The following NOS1AP variants were observed in gnomAD, a reference collection of about 807,000 sequenced individuals.
NOS1AP encodes the protein carboxyl-terminal PDZ ligand of neuronal nitric oxide synthase protein.
Under a neutral mutation model 56.2 loss-of-function variants are expected in NOS1AP, and 21 were observed. The observed-to-expected ratio is 0.37, with a 90% CI of 0.26 to 0.54. The LOEUF (loss-of-function observed/expected upper bound fraction) is 0.54. Among genes scored for constraint, NOS1AP ranks in the 20% least tolerant of loss-of-function variants. The pLI is 0.84. For missense variants in NOS1AP, 522 were observed against 657.8 expected (o/e 0.79, Z 2.26); for synonymous variants, 270 against 274.6 (o/e 0.98, Z 0.17).
intron 2 of NOS1AP, among the ~76,000 whole-genome samples, chr1:162,209,975 A>C (rs1386126993): frequency 6.6e-6 from 1 of 152,226 alleles, no homozygotes; most frequent in African/African-American, 2.4e-5. Context: ...GAGATATCAG[A>C]CGAGTGACCA....
chr1:162,137,112 G>A (rs1437177812), intron 1 of NOS1AP, among the ~76,000 whole-genome samples: 5 of 152,160 alleles, frequency 3.3e-5, no homozygotes, highest in East Asian at 3.8e-4. Flanking sequence ...GTTGATCTTC[G>A]TTTGCTTCTT....
chr1:162,112,140 T>C (rs1647734995), intron 1 of NOS1AP, among the ~76,000 whole-genome samples: 1 of 152,246 alleles, frequency 6.6e-6, no homozygotes, highest in African/African-American at 2.4e-5. Context: ...AGCTAACTGG[T>C]ACCATCTGTC....
At chr1:162,123,969 A>C (rs1648364612) in intron 1 of NOS1AP, among the ~76,000 whole-genome samples, 1 of 152,154 alleles carries the variant, frequency 6.6e-6, no homozygotes, top group East Asian at 1.9e-4. Context: ...TTCTCTACAG[A>C]CTTTATTTAA....
chr1:162,206,866 G>A (rs973699325), intron 2 of NOS1AP, among the ~76,000 whole-genome samples: 1 of 152,156 alleles, frequency 6.6e-6, no homozygotes, highest in African/African-American at 2.4e-5. Flanking sequence ...TCAAAACGTG[G>A]TTGCTTGGAT....
intron 2 of NOS1AP, among the ~76,000 whole-genome samples, chr1:162,158,851 G>A (rs1417321527): frequency 6.6e-6 from 1 of 152,230 alleles, no homozygotes; most frequent in African/African-American, 2.4e-5. Context: ...GGATCCAAAG[G>A]TCTGAGAAGT....
At chr1:162,260,809 GA>G (rs1654183647) in intron 2 of NOS1AP, among the ~76,000 whole-genome samples, 1 of 151,892 alleles carries the variant, frequency 6.6e-6, no homozygotes, top group African/African-American at 2.4e-5. Flanking sequence ...AAGTAATTTG[GA>G]ACTGAGTATA....
At chr1:162,169,882 A>G (rs984799226) in intron 2 of NOS1AP, among the ~76,000 whole-genome samples, 1 of 152,026 alleles carries the variant, frequency 6.6e-6, no homozygotes, top group South Asian at 2.1e-4. Flanking sequence ...ATTTCTTACA[A>G]TCTTCCCATT....
chr1:162,081,252 G>T (rs1691879366), intron 1 of NOS1AP, among the ~76,000 whole-genome samples: 1 of 152,142 alleles, frequency 6.6e-6, no homozygotes. Flanking sequence ...TCTGTTAAAG[G>T]TGACCTTAGT....
At position 162,207,502 on chromosome 1, in the gene NOS1AP, G is replaced by T. The variant is rs1450929665; in HGVS notation, c.177+53026G>T. 1.3e-5 allele frequency among the ~76,000 whole-genome samples: 2 copies of T among 152,212 alleles called. 1 individual carries two copies. The highest frequency in any genetic ancestry group is 3.8e-4 in the East Asian group (2 of 5,202). Reference sequence around the variant, plus strand: ...ATTGGTTTATTTATTCATTCAGCCAGTCAGTTTCCTCATTTTAGAAGTGGT... The same window carrying T: ...ATTGGTTTATTTATTCATTCAGCCATTCAGTTTCCTCATTTTAGAAGTGGT... On this transcript the variant is annotated intron_variant, in intron 2 of 9. Transcript: ENST00000361897.
chr1:162,105,330 G>A (rs533541786), intron 1 of NOS1AP, among the ~76,000 whole-genome samples: 15 of 152,348 alleles, frequency 9.8e-5, no homozygotes, highest in African/African-American at 3.4e-4. Context: ...GCACACACCT[G>A]TAGGAGGTGG....
At chr1:162,202,579 G>A (rs116365168) in intron 2 of NOS1AP, among the ~76,000 whole-genome samples, 5,323 of 152,120 alleles carry the variant, frequency 0.035, 112 homozygotes, top group Middle Eastern at 0.075. Context: ...GGGCCATTAA[G>A]TTTATGTCAT....
At chr1:162,220,132 A>G (rs866796635) in intron 2 of NOS1AP, among the ~76,000 whole-genome samples, 2 of 152,122 alleles carry the variant, frequency 1.3e-5, no homozygotes, top group African/African-American at 2.4e-5. Context: ...GAGTCCAACT[A>G]TGTTACCCAG....
intron 2 of NOS1AP, among the ~76,000 whole-genome samples, chr1:162,226,989 A>G (rs527959734): frequency 1.3e-5 from 2 of 152,192 alleles, no homozygotes; most frequent in South Asian, 4.1e-4. Context: ...AGGCCATCAT[A>G]CTACCTGAAA....
chr1:162,094,194 T>G (rs375130626), intron 1 of NOS1AP, among the ~76,000 whole-genome samples: 86 of 152,304 alleles, frequency 5.6e-4, no homozygotes, highest in African/African-American at 2.0e-3. Flanking sequence ...GAGGGGGCTT[T>G]TACACACTCT....
At chr1:162,144,741 T>G (rs1289782183) in intron 1 of NOS1AP, among the ~76,000 whole-genome samples, 1 of 152,216 alleles carries the variant, frequency 6.6e-6, no homozygotes. Flanking sequence ...GAAGCTTTTA[T>G]TCAGGAGCTG....
chr1:162,127,777 A>G (rs1270931896), intron 1 of NOS1AP, among the ~76,000 whole-genome samples: 2 of 152,140 alleles, frequency 1.3e-5, no homozygotes, highest in East Asian at 3.9e-4. Context: ...AATGGTGCAA[A>G]CCATTCATGA....
chr1:162,151,018 A>C (rs1309439414), intron 1 of NOS1AP, among the ~76,000 whole-genome samples: 1 of 152,054 alleles, frequency 6.6e-6, no homozygotes, highest in Non-Finnish European at 1.5e-5. Flanking sequence ...ATGGGGTATT[A>C]CTCAAGAAAT....
intron 2 of NOS1AP, among the ~76,000 whole-genome samples, chr1:162,226,978 C>T (rs1652966904): frequency 6.6e-6 from 1 of 151,926 alleles, no homozygotes; most frequent in South Asian, 2.1e-4. Flanking sequence ...GAAGAATATA[C>T]AGGCCATCAT....
chr1:162,254,019 GT>G lies in NOS1AP; in HGVS notation c.178-33320del, dbSNP rs1440498400. On this transcript the variant is annotated intron_variant, in intron 2 of 9. Transcript: ENST00000361897. ...GATTCCTGCATTCTGGAGTGGTATG[GT>G]TTTTGATGACTTGGCTTTTCCATCT... Among the ~76,000 whole-genome samples the G allele has an allele frequency of 2.6e-5, 4 of 152,142 alleles. No homozygotes were observed. The East Asian group carries it at 7.7e-4, about 29-fold the overall frequency.
Sources: allele counts gnomAD v4.1 joint callset (sites outside exome capture counted in the v4.1 genomes callset), GRCh38; gene constraint gnomAD v4.1.1; transcripts MANE v1.5; gene names NCBI Gene and HGNC (gene_info 2026-07-23, HGNC 2026-07-21).